ELMO1: variants seen among roughly 807,000 people sequenced by gnomAD.
ELMO1 encodes the protein engulfment and cell motility 1.
ELMO1 carries 26 observed loss-of-function variants against 98.9 expected under a neutral mutation model. The observed-to-expected ratio is 0.26, with a 90% CI of 0.19 to 0.36. The LOEUF is 0.36. ELMO1 is among the 10% of genes least tolerant of loss of function. The pLI, the probability that ELMO1 is intolerant of heterozygous loss-of-function variation, is 1.00. For missense variants in ELMO1, 627 were observed against 935.2 expected (o/e 0.67, Z 4.30); for synonymous variants, 346 against 346.0 (o/e 1.00, Z 0.00).
At chr7:37,088,082 C>T (rs1363330705) in intron 15 of ELMO1, among the ~76,000 whole-genome samples, 3 of 152,268 alleles carry the variant, frequency 2.0e-5, no homozygotes, top group Admixed American at 6.5e-5. Flanking sequence ...ATCTACCAGG[C>T]TCACCTCTTA....
chr7:37,034,844 T>C (rs1795090331), intron 15 of ELMO1, among the ~76,000 whole-genome samples: 1 of 152,152 alleles, frequency 6.6e-6, no homozygotes, highest in African/African-American at 2.4e-5. Flanking sequence ...CAGGGACAAA[T>C]ATCCATGGGA....
At chr7:37,277,496 C>T (rs147061326) in intron 4 of ELMO1, among the ~76,000 whole-genome samples, 42 of 152,258 alleles carry the variant, frequency 2.8e-4, no homozygotes, top group East Asian at 1.7e-3. Flanking sequence ...AAAAGGAAGA[C>T]GGGACTCTTG....
At chr7:37,365,629 A>G (rs777754254) in intron 1 of ELMO1, among the ~76,000 whole-genome samples, 5 of 152,244 alleles carry the variant, frequency 3.3e-5, no homozygotes, top group Admixed American at 2.6e-4. Context: ...GGTGAAGACA[A>G]CACAGGAAAA....
intron 15 of ELMO1, among the ~76,000 whole-genome samples, chr7:37,020,122 A>T (rs1044814125): frequency 6.6e-6 from 1 of 152,158 alleles, no homozygotes; most frequent in Non-Finnish European, 1.5e-5. Context: ...AGCTGACCAT[A>T]ACCTTACAAA....
At chr7:37,157,046 A>G (rs7457879) in intron 13 of ELMO1, among the ~76,000 whole-genome samples, 107,598 of 151,996 alleles carry the variant, frequency 0.71, 40,667 homozygotes, top group Non-Finnish European at 0.83. Context: ...CCATCACATA[A>G]ACAGAACCAA....
chr7:37,310,969 C>T (rs1477115929), intron 4 of ELMO1, among the ~76,000 whole-genome samples: 2 of 149,690 alleles, frequency 1.3e-5, no homozygotes, highest in African/African-American at 4.8e-5. Context: ...CAAATTCCAC[C>T]TAAACATACC....
At chr7:37,290,584 G>A (rs1267674521) in intron 4 of ELMO1, among the ~76,000 whole-genome samples, 1 of 152,130 alleles carries the variant, frequency 6.6e-6, no homozygotes, top group Non-Finnish European at 1.5e-5. Flanking sequence ...AAATTCTGAG[G>A]TACCTAGGCA....
At chr7:37,433,771 A>T (rs1010598536) in intron 1 of ELMO1, among the ~76,000 whole-genome samples, 1 of 152,088 alleles carries the variant, frequency 6.6e-6, no homozygotes, top group Admixed American at 6.5e-5. Context: ...TATGTCCCTG[A>T]AAACAATTCC....
intron 15 of ELMO1, among the ~76,000 whole-genome samples, chr7:37,038,946 T>A (rs1795341804): frequency 6.6e-6 from 1 of 152,202 alleles, no homozygotes; most frequent in Admixed American, 6.5e-5. Flanking sequence ...CATCTAAACC[T>A]AATTACCTCC....
chr7:36,879,287 C>G (rs1804230472), intron 18 of ELMO1, among the ~76,000 whole-genome samples: 1 of 152,196 alleles, frequency 6.6e-6, no homozygotes, highest in Non-Finnish European at 1.5e-5. Context: ...GTTGGCTAAG[C>G]TGATAAATGA....
chr7:37,042,177 G>T (rs1230975760), intron 15 of ELMO1, among the ~76,000 whole-genome samples: 1 of 148,602 alleles, frequency 6.7e-6, no homozygotes. Flanking sequence ...TCCAACTTTG[G>T]CTGTTTGAGT....
rs1283714580 is a variant in ELMO1, at chr7:37,423,650, T to C, written c.-74+25025A>G. On this transcript the variant is annotated intron_variant, in intron 1 of 21. Coordinates refer to ENST00000310758, the MANE Select transcript of ELMO1 (RefSeq NM_014800.11). ...TCTACTGTATTTCATTTTTGAAACA[T>C]TGATTCTTATTTTTTTTATATATGT... Among the ~76,000 whole-genome samples, 9 of 152,268 alleles carry C rather than the reference T, an allele frequency of 5.9e-5. No individual in the cohort carries two copies. In the East Asian group the frequency reaches 1.5e-3, roughly 26 times the overall value.
rs189341424 is a variant in ELMO1 at position 37,421,291 on chromosome 7, C to T, written c.-74+27384G>A. On this transcript the variant is annotated intron_variant, in intron 1 of 21. Transcript: ENST00000310758. ...GCCAAGTTTCCTCTCAAATAGCTTT[C>T]CCCCGTTTTCTTATTTCATCCAGTT... Among the ~76,000 whole-genome samples, 474 of 152,304 alleles carry T rather than the reference C, an allele frequency of 3.1e-3. 3 individuals carry two copies. Among genetic ancestry groups the T allele is most frequent in the African/African-American group, 0.011 (450 of 41,566 alleles).
intron 2 of ELMO1, among the ~76,000 whole-genome samples, chr7:37,318,432 G>A (rs1287203077): frequency 1.3e-5 from 2 of 152,172 alleles, no homozygotes; most frequent in Non-Finnish European, 2.9e-5. Flanking sequence ...GTTGAGGTAG[G>A]AGAAGGCATC....
intron 4 of ELMO1, among the ~76,000 whole-genome samples, chr7:37,285,622 A>C (rs142119520): frequency 1.5e-4 from 23 of 152,338 alleles, no homozygotes; most frequent in African/African-American, 4.6e-4. Context: ...TGCACTAAGT[A>C]CTGGTGACCA....
At chr7:37,005,858 T>C (rs973957912) in intron 16 of ELMO1, among the ~76,000 whole-genome samples, 7 of 152,192 alleles carry the variant, frequency 4.6e-5, no homozygotes, top group Admixed American at 2.6e-4. Flanking sequence ...GTCTTCTCCC[T>C]GCTCTCCATT....
At chr7:36,955,210 C>T (rs192288468) in intron 16 of ELMO1, among the ~76,000 whole-genome samples, 66 of 152,286 alleles carry the variant, frequency 4.3e-4, no homozygotes, top group Middle Eastern at 3.4e-3. Flanking sequence ...CTGGTCACAC[C>T]AGGAAATAAA....
At chr7:37,094,965 CAT>C (rs1784297287) in intron 15 of ELMO1, among the ~76,000 whole-genome samples, 1 of 152,212 alleles carries the variant, frequency 6.6e-6, no homozygotes, top group South Asian at 2.1e-4. Context: ...GCAGGACAGA[CAT>C]ATGTCCCTTG....
intron 16 of ELMO1, among the ~76,000 whole-genome samples, chr7:36,989,434 C>A (rs987355968): frequency 6.6e-6 from 1 of 152,152 alleles, no homozygotes; most frequent in African/African-American, 2.4e-5. Context: ...GGCAGAATCA[C>A]GAATATTTTC....
Sources: gnomAD v4.1 joint callset for allele counts (sites outside exome capture counted in the v4.1 genomes callset) on GRCh38, gnomAD v4.1.1 for gene constraint, MANE v1.5 for transcripts, NCBI Gene and HGNC (gene_info 2026-07-23, HGNC 2026-07-21) for gene names.